CDH18: variants seen among roughly 807,000 people sequenced by gnomAD.
The protein encoded by CDH18 is cadherin-18.
Under a neutral mutation model 67.9 loss-of-function variants are expected in CDH18, and 31 were observed. The ratio of observed to expected loss-of-function variants is 0.46; its 90% CI spans 0.34 to 0.62. The LOEUF is 0.62. Ranked by LOEUF, CDH18 falls within the 20% of genes least tolerant of loss-of-function variation. The pLI, the probability that CDH18 is intolerant of heterozygous loss-of-function variation, is 0.01. For synonymous variants in CDH18, 362 were observed against 347.2 expected (o/e 1.04, Z -0.48); for missense variants, 890 against 975.5 (o/e 0.91, Z 1.17).
intron 2 of CDH18, among the ~76,000 whole-genome samples, chr5:20,115,163 G>A (rs1300545530): frequency 6.0e-5 from 9 of 150,274 alleles, no homozygotes; most frequent in Admixed American, 2.7e-4. Context: ...GCAGATTACC[G>A]CCTTTTTGGT....
Position 19,866,090 on chromosome 5 carries a change from A to G in CDH18, c.-256-26848T>C, listed in dbSNP as rs137917731. The stretch of plus-strand genomic sequence containing the variant: ...AAAAGCCCTGCTCATTGTTTAAGGC[A>G]TAAACTTGTGGATTAGAGGTCACCA... On this transcript the variant is annotated intron_variant, in intron 2 of 12. Coordinates refer to ENST00000382275, the MANE Select transcript of CDH18 (RefSeq NM_004934.5). 2.2e-3 allele frequency among the ~76,000 whole-genome samples: 329 copies of G among 152,296 alleles called. 4 individuals carry two copies. Among genetic ancestry groups the G allele is most frequent in the African/African-American group, 6.9e-3 (288 of 41,556 alleles).
At chr5:19,701,913 T>C (rs545017176) in intron 5 of CDH18, among the ~76,000 whole-genome samples, 150 of 152,254 alleles carry the variant, frequency 9.9e-4, no homozygotes, top group Non-Finnish European at 1.7e-3. Flanking sequence ...ATCTACGGAA[T>C]GCATGCATGT....
At chr5:19,937,628 GA>G (rs1314229389) in intron 2 of CDH18, among the ~76,000 whole-genome samples, 3 of 151,158 alleles carry the variant, frequency 2.0e-5, no homozygotes, top group Non-Finnish European at 1.5e-5. Flanking sequence ...CAATTTCAAA[GA>G]AAGTATAACC....
At position 19,852,062 on chromosome 5, in the gene CDH18, T is replaced by C. The variant is rs571077828; in HGVS notation, c.-256-12820A>G. ...AATATCTCACTTGTATCATGTCAAC[T>C]TCATAAATTACCAAAATAGAAGAAA... On this transcript the variant is annotated intron_variant, in intron 2 of 12. Coordinates refer to ENST00000382275, the MANE Select transcript of CDH18 (RefSeq NM_004934.5). Among the ~76,000 whole-genome samples, 8 of 152,158 alleles carry C rather than the reference T, an allele frequency of 5.3e-5. No homozygotes were observed. In the East Asian group the frequency reaches 1.5e-3, roughly 29 times the overall value.
Position 20,561,049 on chromosome 5 carries a change from A to C in CDH18, c.-580+14413T>G, listed in dbSNP as rs539383556. On this transcript the variant is annotated intron_variant, in intron 1 of 14. Transcript: ENST00000507958. The stretch of plus-strand genomic sequence containing the variant: ...TCATTAGAGAAACGCAAATTAAAAC[A>C]ATGAGATACTGCTATACATGTGCTA... Among the ~76,000 whole-genome samples the C allele has an allele frequency of 4.6e-5, 7 of 152,256 alleles. No homozygotes were observed. The South Asian group carries it at 1.4e-3, about 31-fold the overall frequency.
intron 2 of CDH18, among the ~76,000 whole-genome samples, chr5:20,092,934 T>A (rs1745566521): frequency 6.6e-6 from 1 of 152,206 alleles, no homozygotes; most frequent in African/African-American, 2.4e-5. Flanking sequence ...AAATAAAATT[T>A]ACTACTGATT....
chr5:19,597,489 T>C (rs894384399), intron 6 of CDH18, among the ~76,000 whole-genome samples: 1 of 152,142 alleles, frequency 6.6e-6, no homozygotes, highest in Non-Finnish European at 1.5e-5. Flanking sequence ...GCACTGTGAG[T>C]TATGTTGAGG....
intron 2 of CDH18, among the ~76,000 whole-genome samples, chr5:19,881,487 A>C (rs918149684): frequency 3.3e-5 from 5 of 151,026 alleles, no homozygotes; most frequent in Admixed American, 1.3e-4. Context: ...ACGCTGACAA[A>C]TACCCAGCTC....
chr5:19,897,794 A>G (rs1482300629), intron 2 of CDH18, among the ~76,000 whole-genome samples: 1 of 152,120 alleles, frequency 6.6e-6, no homozygotes, highest in Non-Finnish European at 1.5e-5. Flanking sequence ...AGAAAAAAAG[A>G]GAGTCCATAG....
At chr5:20,114,648 G>A (rs1747742743) in intron 2 of CDH18, among the ~76,000 whole-genome samples, 1 of 152,086 alleles carries the variant, frequency 6.6e-6, no homozygotes, top group Admixed American at 6.6e-5. Flanking sequence ...ATTTTTTCAT[G>A]TGAGGGTATA....
At chr5:19,979,490 T>A (rs1190184794) in intron 2 of CDH18, among the ~76,000 whole-genome samples, 1 of 152,086 alleles carries the variant, frequency 6.6e-6, no homozygotes, top group Non-Finnish European at 1.5e-5. Flanking sequence ...CATATGGTCT[T>A]TTAATTGATA....
At chr5:20,081,856 C>T (rs1354020926) in intron 2 of CDH18, among the ~76,000 whole-genome samples, 2 of 152,048 alleles carry the variant, frequency 1.3e-5, no homozygotes, top group Non-Finnish European at 2.9e-5. Flanking sequence ...GTGCTGATTA[C>T]CTGGTGATGA....
At chr5:19,819,439 G>C (rs911173699) in intron 3 of CDH18, among the ~76,000 whole-genome samples, 3 of 152,146 alleles carry the variant, frequency 2.0e-5, no homozygotes, top group Non-Finnish European at 4.4e-5. Flanking sequence ...AACACTCAAA[G>C]TCAATGGAGA....
rs570445473 is a variant in CDH18, at chr5:19,961,439, T to C, written c.-257+19621A>G. On this transcript the variant is annotated intron_variant, in intron 2 of 12. Coordinates refer to ENST00000382275, the MANE Select transcript of CDH18 (RefSeq NM_004934.5). ...TTATAATCTTATGAGACCACCATAA[T>C]ATGTGAGGTTTGTTATTGACCTAAA... 3.9e-5 allele frequency among the ~76,000 whole-genome samples: 6 copies of C among 152,128 alleles called. No homozygotes were observed. In the South Asian group the frequency reaches 1.2e-3, roughly 31 times the overall value.
intron 2 of CDH18, among the ~76,000 whole-genome samples, chr5:19,856,540 A>G (rs995241265): frequency 2.6e-5 from 4 of 152,168 alleles, no homozygotes; most frequent in African/African-American, 9.7e-5. Context: ...TATCACTGTT[A>G]TATGTTGAAG....
intron 1 of CDH18, among the ~76,000 whole-genome samples, chr5:20,387,951 C>T (rs1744456341): frequency 6.6e-6 from 1 of 152,096 alleles, no homozygotes; most frequent in Admixed American, 6.6e-5. Flanking sequence ...TTTTGATGTG[C>T]TGCTGGATTC....
intron 1 of CDH18, among the ~76,000 whole-genome samples, chr5:20,322,248 A>T (rs1561969912): frequency 6.6e-6 from 1 of 152,152 alleles, no homozygotes; most frequent in Non-Finnish European, 1.5e-5. Flanking sequence ...ATAAGAGCAG[A>T]CTAAGTGCAT....
intron 11 of CDH18, among the ~76,000 whole-genome samples, chr5:19,489,548 A>T (rs1378838557): frequency 6.6e-6 from 1 of 151,920 alleles, no homozygotes; most frequent in Non-Finnish European, 1.5e-5. Context: ...CGCCTGGCCA[A>T]TATTTGTTCT....
At chr5:19,689,523 T>C (rs932840073) in intron 5 of CDH18, among the ~76,000 whole-genome samples, 7 of 151,916 alleles carry the variant, frequency 4.6e-5, no homozygotes, top group African/African-American at 1.7e-4. Flanking sequence ...CTACAAGAAA[T>C]GTTTAAGGGT....
Sources: gnomAD v4.1 joint callset for allele counts (sites outside exome capture counted in the v4.1 genomes callset) on GRCh38, gnomAD v4.1.1 for gene constraint, MANE v1.5 for transcripts, NCBI Gene and HGNC (gene_info 2026-07-23, HGNC 2026-07-21) for gene names.